The following PDSS2 variants were observed in gnomAD, a reference collection of about 807,000 sequenced individuals.
PDSS2 encodes the protein all trans-polyprenyl-diphosphate synthase PDSS2.
A neutral mutation model predicts 44.5 loss-of-function variants in PDSS2; 31 were observed. That is an observed-to-expected ratio of 0.70 (90% CI 0.52 to 0.94). The LOEUF (loss-of-function observed/expected upper bound fraction) is 0.94, where lower values mean the gene tolerates loss of function less well. PDSS2 is among the 40% of genes least tolerant of loss of function. The pLI, the probability that PDSS2 is intolerant of heterozygous loss-of-function variation, is 0.00. For missense variants in PDSS2, 452 were observed against 482.2 expected (o/e 0.94, Z 0.59); for synonymous variants, 157 against 180.3 (o/e 0.87, Z 1.03).
chr6:107,374,712 T>TA (rs1779231174), intron 1 of PDSS2, among the ~76,000 whole-genome samples: 1 of 152,230 alleles, frequency 6.6e-6, no homozygotes, highest in Non-Finnish European at 1.5e-5. Context: ...TCTTTTTCTT[T>TA]ATTTTTGGTT....
At chr6:107,221,626 ACTTGCAAGATGATGCTTG>A (rs1773611675) in intron 4 of PDSS2, among the ~76,000 whole-genome samples, 1 of 152,128 alleles carries the variant, frequency 6.6e-6, no homozygotes, top group Non-Finnish European at 1.5e-5. Context: ...AAAAACTGAA[ACTTGCAAGATGATGCTTG>A]CTTGAGATAG....
chr6:107,333,870 T>A (rs371134125), intron 2 of PDSS2, among the ~76,000 whole-genome samples: 2 of 152,230 alleles, frequency 1.3e-5, no homozygotes, highest in African/African-American at 4.8e-5. Context: ...TTAAAAATCA[T>A]AGATCCTGAA....
rs146802300 is a variant in PDSS2, at chr6:107,247,978, C to T, written c.631-2359G>A. On this transcript the variant is annotated intron_variant, in intron 3 of 7. Transcript: ENST00000369037. Reference sequence around the variant, plus strand: ...AGTTTGCAGTGAGCCAAGATCGCAGCGCCACTGCACTCCAGTTTGGGCGAC... The same window carrying T: ...AGTTTGCAGTGAGCCAAGATCGCAGTGCCACTGCACTCCAGTTTGGGCGAC... Among the ~76,000 whole-genome samples, 108 of 151,518 alleles carry T rather than the reference C, an allele frequency of 7.1e-4. No homozygotes were observed. The East Asian group carries it at 0.019, about 27-fold the overall frequency.
intron 1 of PDSS2, among the ~76,000 whole-genome samples, chr6:107,346,925 G>T (rs1246011296): frequency 6.6e-6 from 1 of 152,160 alleles, no homozygotes; most frequent in African/African-American, 2.4e-5. Flanking sequence ...TGCTTTATAG[G>T]CATGTTCAAC....
chr6:107,331,697 A>T (rs1777716550), intron 2 of PDSS2, among the ~76,000 whole-genome samples: 1 of 152,198 alleles, frequency 6.6e-6, no homozygotes, highest in Admixed American at 6.5e-5. Flanking sequence ...CTTTCTAGCT[A>T]AAATATTTCA....
intron 2 of PDSS2, among the ~76,000 whole-genome samples, chr6:107,289,306 G>T (rs1263365162): frequency 6.6e-6 from 1 of 150,962 alleles, no homozygotes; most frequent in Non-Finnish European, 1.5e-5. Flanking sequence ...CCGGGAGGCA[G>T]AGGTTGTAGT....
chr6:107,297,084 G>C (rs946651831), intron 2 of PDSS2, among the ~76,000 whole-genome samples: 6 of 152,174 alleles, frequency 3.9e-5, no homozygotes, highest in African/African-American at 1.4e-4. Flanking sequence ...CAGAACATCA[G>C]ATGGGCACTG....
intron 6 of PDSS2, among the ~76,000 whole-genome samples, chr6:107,201,831 C>A (rs1054936608): frequency 1.3e-5 from 2 of 152,260 alleles, no homozygotes; most frequent in South Asian, 4.1e-4. Context: ...ACTACCTTCC[C>A]CCGCAAACTT....
intron 1 of PDSS2, among the ~76,000 whole-genome samples, chr6:107,406,505 T>C (rs1780324691): frequency 6.6e-6 from 1 of 152,218 alleles, no homozygotes; most frequent in South Asian, 2.1e-4. Context: ...TCACAAACTC[T>C]AAATGTATTT....
intron 6 of PDSS2, among the ~76,000 whole-genome samples, chr6:107,194,330 T>C (rs764812366): frequency 2.6e-5 from 4 of 152,240 alleles, no homozygotes; most frequent in Admixed American, 2.6e-4. Context: ...TTTTGTTGCC[T>C]TTTATTTATT....
intron 2 of PDSS2, among the ~76,000 whole-genome samples, chr6:107,328,565 C>T (rs558268806): frequency 2.6e-5 from 4 of 152,202 alleles, no homozygotes; most frequent in African/African-American, 7.2e-5. Flanking sequence ...TGTGAGCCAC[C>T]GTGCCCAGCC....
intron 2 of PDSS2, among the ~76,000 whole-genome samples, chr6:107,321,380 C>A (rs1415862541): frequency 6.6e-6 from 1 of 152,170 alleles, no homozygotes; most frequent in Non-Finnish European, 1.5e-5. Context: ...CTAGAAGGTA[C>A]TGTTTAGTAA....
At chr6:107,163,104 A>G (rs557211069) in intron 7 of PDSS2, among the ~76,000 whole-genome samples, 1 of 152,356 alleles carries the variant, frequency 6.6e-6, no homozygotes, top group South Asian at 2.1e-4. Context: ...CCTGCACTCC[A>G]GAATGTTTTA....
At chr6:107,173,016 G>A (rs1554249004) in intron 7 of PDSS2, among the ~76,000 whole-genome samples, 1 of 151,040 alleles carries the variant, frequency 6.6e-6, no homozygotes, top group African/African-American at 2.4e-5. Flanking sequence ...CCCAGCTACT[G>A]GGGAGGCTGA....
At chr6:107,455,774 A>C (rs912236458) in intron 1 of PDSS2, among the ~76,000 whole-genome samples, 1 of 150,732 alleles carries the variant, frequency 6.6e-6, no homozygotes, top group Non-Finnish European at 1.5e-5. Flanking sequence ...AAAAAAAAAA[A>C]AAAAAAAAAC....
intron 2 of PDSS2, among the ~76,000 whole-genome samples, chr6:107,289,096 G>C (rs1329643387): frequency 6.6e-6 from 1 of 150,992 alleles, no homozygotes; most frequent in South Asian, 2.1e-4. Context: ...ATGGAGGCCG[G>C]GCGTGGTGGC....
At chr6:107,265,631 A>T (rs767485065) in intron 3 of PDSS2, among the ~76,000 whole-genome samples, 1 of 152,242 alleles carries the variant, frequency 6.6e-6, no homozygotes, top group Non-Finnish European at 1.5e-5. Flanking sequence ...TTACCAAGAC[A>T]TTAAGCATAT....
intron 4 of PDSS2, chr6:107,230,040 C>T (rs1773986348): frequency 1.5e-5 from 3 of 205,312 alleles, no homozygotes; most frequent in Non-Finnish European, 3.1e-5. Context: ...AAAGATATAG[C>T]CTGTGTGAGA....
chr6:107,326,934 T>G (rs979337557), intron 2 of PDSS2, among the ~76,000 whole-genome samples: 8 of 152,086 alleles, frequency 5.3e-5, no homozygotes, highest in African/African-American at 1.9e-4. Context: ...TCCTGGCAAA[T>G]AGACCATCTA....
Sources: allele counts gnomAD v4.1 joint callset (sites outside exome capture counted in the v4.1 genomes callset), GRCh38; gene constraint gnomAD v4.1.1; transcripts MANE v1.5; gene names NCBI Gene and HGNC (gene_info 2026-07-23, HGNC 2026-07-21).